RHBDD1: variants seen among roughly 807,000 people sequenced by gnomAD.
RHBDD1 encodes the protein rhomboid-related protein 4.
Under a neutral mutation model 36.3 loss-of-function variants are expected in RHBDD1, and 38 were observed. The ratio of observed to expected loss-of-function variants is 1.05; its 90% CI spans 0.81 to 1.37. The LOEUF is 1.37. Among genes scored for constraint, RHBDD1 ranks in the 40% most tolerant of loss-of-function variants. The pLI, the probability that RHBDD1 is intolerant of heterozygous loss-of-function variation, is 0.00. For missense variants in RHBDD1, 393 were observed against 377.6 expected, an observed-to-expected ratio of 1.04 and a Z score of -0.34; for synonymous variants, 151 against 136.5, an observed-to-expected ratio of 1.11 and a Z score of -0.74.
intron 5 of RHBDD1, among the ~76,000 whole-genome samples, chr2:226,884,983 A>G (rs1946090395): frequency 6.6e-6 from 1 of 152,202 alleles, no homozygotes; most frequent in African/African-American, 2.4e-5. Flanking sequence ...GAACAATACT[A>G]AGTACAAGAA....
At chr2:226,892,902 G>T (rs1433261395) in intron 5 of RHBDD1, among the ~76,000 whole-genome samples, 1 of 152,200 alleles carries the variant, frequency 6.6e-6, no homozygotes, top group Non-Finnish European at 1.5e-5. Flanking sequence ...ATTTCTGGGA[G>T]TAGGGCCCAA....
the RHBDD1 span, among the ~76,000 whole-genome samples, chr2:226,820,403 T>C: frequency 2.0e-5 from 3 of 152,306 alleles, no homozygotes; most frequent in South Asian, 6.2e-4. Context: ...CAACATTGTT[T>C]AGGCTAATAG....
rs926329188 is a variant in RHBDD1 at position 226,839,563 on chromosome 2, T to A, written c.-155T>A. On this transcript the variant is annotated 5_prime_UTR_variant, in exon 3 of 9. Transcript: ENST00000392062. ...TTCCGGGGAGCTGGACGTGAAACTC[T>A]GTGGTGGAATAGAAATCCTCAGGGC... 1 of 148,084 alleles carries A rather than the reference T, an allele frequency of 6.8e-6. No individual in the cohort carries two copies. Among genetic ancestry groups the A allele is most frequent in the Non-Finnish European group, 1.5e-5 (1 of 68,006 alleles). The allele number at this position is 148,084 out of a possible 1,614,324, so 9.2% of individuals were successfully genotyped here. A position where few individuals can be genotyped will look rare whatever the true frequency, so the allele number is the denominator to read the frequency against.
chr2:226,884,318 G>A (rs1258610445), intron 5 of RHBDD1, among the ~76,000 whole-genome samples: 1 of 152,012 alleles, frequency 6.6e-6, no homozygotes, highest in African/African-American at 2.4e-5. Context: ...GAAGACAGTT[G>A]GGGCTATGAG....
chr2:226,822,104 G>GA, the RHBDD1 span, among the ~76,000 whole-genome samples: 1 of 151,646 alleles, frequency 6.6e-6, no homozygotes. Flanking sequence ...AGGCATTAGG[G>GA]AAAAAAAGAA....
rs142045343 is a variant in RHBDD1 at position 226,948,645 on chromosome 2, A to T, written c.856+34294A>T. Among the ~76,000 whole-genome samples the T allele has an allele frequency of 1.9e-3, 289 of 152,002 alleles. 1 individual carries two copies. Among genetic ancestry groups the T allele is most frequent in the East Asian group, 0.013 (67 of 5,176 alleles). ...CTAGGTATTGAAGAAACATACCTCC[A>T]AATAATAAGAGCCATATATGACAAA... On this transcript the variant is annotated intron_variant, in intron 8 of 8. Transcript: ENST00000392062.
At chr2:226,826,194 G>A in the RHBDD1 span, among the ~76,000 whole-genome samples, 1 of 152,170 alleles carries the variant, frequency 6.6e-6, no homozygotes, top group Non-Finnish European at 1.5e-5. Context: ...CCCAAAATAG[G>A]AAATAGAATG....
intron 8 of RHBDD1, among the ~76,000 whole-genome samples, chr2:226,928,670 G>A (rs1949822967): frequency 6.6e-6 from 1 of 151,818 alleles, no homozygotes; most frequent in Admixed American, 6.6e-5. Context: ...AGAATTAACA[G>A]AAATTGCAAC....
chr2:226,970,171 T>C (rs139949622), intron 8 of RHBDD1, among the ~76,000 whole-genome samples: 8 of 152,102 alleles, frequency 5.3e-5, no homozygotes, highest in African/African-American at 1.9e-4. Flanking sequence ...CACTGTGCTA[T>C]GTGATCCTTT....
At chr2:226,816,387 AAAAAAAAAAG>A in the RHBDD1 span, among the ~76,000 whole-genome samples, 4 of 151,614 alleles carry the variant, frequency 2.6e-5, no homozygotes, top group African/African-American at 9.7e-5. Context: ...AAAAAAAAAA[AAAAAAAAAAG>A]AAAAAAAACA....
intron 5 of RHBDD1, among the ~76,000 whole-genome samples, chr2:226,889,698 A>G (rs1946528717): frequency 6.6e-6 from 1 of 152,192 alleles, no homozygotes; most frequent in Non-Finnish European, 1.5e-5. Flanking sequence ...GTTCTGCATT[A>G]CAGATTATAA....
At chr2:226,856,189 A>T (rs1331487180) in intron 3 of RHBDD1, among the ~76,000 whole-genome samples, 3 of 152,204 alleles carry the variant, frequency 2.0e-5, no homozygotes, top group Non-Finnish European at 4.4e-5. Context: ...ATATTTAAAT[A>T]TTAAATTTTA....
chr2:226,870,324 A>G (rs1559215508), intron 5 of RHBDD1, among the ~76,000 whole-genome samples: 1 of 152,246 alleles, frequency 6.6e-6, no homozygotes, highest in African/African-American at 2.4e-5. Context: ...GAAATAAATC[A>G]CTGGATGTGT....
intron 5 of RHBDD1, among the ~76,000 whole-genome samples, chr2:226,897,442 A>G (rs2125556585): frequency 6.6e-6 from 1 of 152,296 alleles, no homozygotes; most frequent in East Asian, 1.9e-4. Context: ...GAATGAATGA[A>G]TATGTCTTAG....
intron 8 of RHBDD1, chr2:226,988,301 C>A: frequency 1.3e-6 from 2 of 1,542,724 alleles, no homozygotes; most frequent in Non-Finnish European, 1.7e-6. Flanking sequence ...CTGTCCTTCC[C>A]TTCCACTGTG....
At chr2:226,871,944 A>T (rs562037629) in intron 5 of RHBDD1, among the ~76,000 whole-genome samples, 1 of 152,216 alleles carries the variant, frequency 6.6e-6, no homozygotes, top group East Asian at 1.9e-4. Context: ...TGACACTTGG[A>T]CATCATGCGG....
At chr2:226,943,293 C>G (rs922356783) in intron 8 of RHBDD1, among the ~76,000 whole-genome samples, 42 of 152,162 alleles carry the variant, frequency 2.8e-4, no homozygotes, top group African/African-American at 9.9e-4. Context: ...AAATATTAAA[C>G]TGATTAAAAT....
intron 8 of RHBDD1, among the ~76,000 whole-genome samples, chr2:226,931,794 T>C (rs1331291249): frequency 6.6e-6 from 1 of 152,124 alleles, no homozygotes; most frequent in Non-Finnish European, 1.5e-5. Context: ...CTCTTAGTTC[T>C]TTTTTAAAAT....
intron 8 of RHBDD1, among the ~76,000 whole-genome samples, chr2:226,989,200 G>A (rs1357825846): frequency 6.6e-6 from 1 of 152,182 alleles, no homozygotes; most frequent in Non-Finnish European, 1.5e-5. Context: ...AATAGACAAA[G>A]AAATTCTACT....
Sources: gnomAD v4.1 joint callset for allele counts (sites outside exome capture counted in the v4.1 genomes callset) on GRCh38, gnomAD v4.1.1 for gene constraint, MANE v1.5 for transcripts, NCBI Gene and HGNC (gene_info 2026-07-23, HGNC 2026-07-21) for gene names.